The following WHRN variants were observed in gnomAD, a reference collection of about 807,000 sequenced individuals.
WHRN encodes whirlin.
In WHRN, 41 loss-of-function variants were observed where a neutral mutation model predicts 68.3. The observed-to-expected ratio is 0.60, with a 90% confidence interval of 0.47 to 0.78. WHRN has a LOEUF of 0.78. Ranked by LOEUF, WHRN falls within the 30% of genes least tolerant of loss-of-function variation. The pLI is 0.00. For missense variants in WHRN, 1,243 were observed against 1,244.7 expected (o/e 1.00, Z 0.02); for synonymous variants, 560 against 561.3 (o/e 1.00, Z 0.03).
intron 1 of WHRN, among the ~76,000 whole-genome samples, chr9:114,494,221 T>C (rs180942278): frequency 6.6e-6 from 1 of 152,364 alleles, no homozygotes; most frequent in East Asian, 1.9e-4. Flanking sequence ...GTAAACATCT[T>C]GTGCGTGTTA....
At chr9:114,431,716 AC>A (rs1173726530) in intron 3 of WHRN, among the ~76,000 whole-genome samples, 1 of 152,188 alleles carries the variant, frequency 6.6e-6, no homozygotes, top group Non-Finnish European at 1.5e-5. Flanking sequence ...GCTTTTTCCT[AC>A]CCACTGAAAC....
At chr9:114,497,803 C>A (rs956947768) in intron 1 of WHRN, among the ~76,000 whole-genome samples, 3 of 152,056 alleles carry the variant, frequency 2.0e-5, no homozygotes, top group Non-Finnish European at 4.4e-5. Flanking sequence ...TTTTTAAAGG[C>A]TTTACACTCA....
At chr9:114,471,234 G>C (rs1468653331) in intron 2 of WHRN, among the ~76,000 whole-genome samples, 2 of 151,926 alleles carry the variant, frequency 1.3e-5, no homozygotes, top group Non-Finnish European at 2.9e-5. Flanking sequence ...TCAGGCAATT[G>C]GTCACCAAAT....
chr9:114,430,390 C>A lies in WHRN; in HGVS notation c.964-3977G>T, dbSNP rs557426630. Reference sequence around the variant, plus strand: ...ACTAAAAAACATATTCATTGTTTATCTGCACTCAAATTTAAATGAGCATCC... The same window carrying A: ...ACTAAAAAACATATTCATTGTTTATATGCACTCAAATTTAAATGAGCATCC... On this transcript the variant is annotated intron_variant, in intron 3 of 11. Coordinates refer to ENST00000362057, the MANE Select transcript of WHRN (RefSeq NM_015404.4). Among the ~76,000 whole-genome samples the A allele has an allele frequency of 4.6e-5, 7 of 152,336 alleles. No individual in the cohort carries two copies. In the East Asian group the frequency reaches 1.3e-3, roughly 29 times the overall value.
At chr9:114,455,977 T>A (rs1009581494) in intron 3 of WHRN, among the ~76,000 whole-genome samples, 2 of 152,166 alleles carry the variant, frequency 1.3e-5, no homozygotes, top group African/African-American at 2.4e-5. Flanking sequence ...AAGTATTGAA[T>A]ATCTCATATA....
At position 114,469,731 on chromosome 9, in the gene WHRN, A is replaced by G. The variant is rs187076219; in HGVS notation, c.838-3339T>C. Among the ~76,000 whole-genome samples, 17 of 152,344 alleles carry G rather than the reference A, an allele frequency of 1.1e-4. No homozygotes were observed. In the East Asian group the frequency reaches 2.9e-3, roughly 26 times the overall value. ...GACCCCAGGGCACTGCCGCCGCTGT[A>G]ACAAATCACCACAGTCAGAGCCTAA... is the stretch of plus-strand genomic sequence containing the variant. On this transcript the variant is annotated intron_variant, in intron 2 of 11. Coordinates refer to ENST00000362057, the MANE Select transcript of WHRN (RefSeq NM_015404.4).
In WHRN at chr9:114,407,997, T is replaced by C; in HGVS notation, c.1648A>G (p.Thr550Ala). 6.2e-7 allele frequency: 1 copy of C among 1,603,874 alleles called. No homozygotes were observed. The highest frequency in any genetic ancestry group is 8.5e-7 in the Non-Finnish European group (1 of 1,174,562). ...SARNTLDLEE[T>A]GEAVQGNINA... The stretch of plus-strand genomic sequence containing the variant: ...ATATTGCCCTGGACAGCCTCGCCAG[T>C]TTCCTCCAGGTCCAGAGTGTTCTAG... The change falls in exon 8 of 12, where the codon ACT becomes GCT. Residue 550 changes from threonine (T) to alanine (A), a missense_variant. Physicochemically the swap from Thr to Ala is moderately conservative, Grantham distance 58. Coordinates refer to ENST00000362057, the MANE Select transcript of WHRN (RefSeq NM_015404.4).
intron 1 of WHRN, among the ~76,000 whole-genome samples, chr9:114,499,061 C>G (rs1843702743): frequency 6.6e-6 from 1 of 152,196 alleles, no homozygotes; most frequent in Non-Finnish European, 1.5e-5. Context: ...CATGTGTCCA[C>G]TATATGGGAA....
At chr9:114,492,452 T>C (rs573233153) in intron 1 of WHRN, among the ~76,000 whole-genome samples, 1 of 152,198 alleles carries the variant, frequency 6.6e-6, no homozygotes, top group East Asian at 1.9e-4. Flanking sequence ...AAAATCACAG[T>C]GTAGAAACAT....
chr9:114,434,972 C>T (rs1015570786), intron 3 of WHRN, among the ~76,000 whole-genome samples: 4 of 152,162 alleles, frequency 2.6e-5, no homozygotes, highest in African/African-American at 9.7e-5. Flanking sequence ...GCCCTTTCCC[C>T]ACTCCAGACC....
intron 1 of WHRN, chr9:114,491,556 A>G (rs534329350): frequency 1.1e-3 from 195 of 182,240 alleles, no homozygotes; most frequent in South Asian, 1.9e-3. Flanking sequence ...AGCCGCTGCC[A>G]TCACCATGAC....
In WHRN at chr9:114,471,245, G is replaced by A. The variant is rs118090629; in HGVS notation, c.838-4853C>T. Among the ~76,000 whole-genome samples, 27 of 152,294 alleles carry A rather than the reference G, an allele frequency of 1.8e-4. No individual in the cohort carries two copies. The East Asian group carries it at 5.0e-3, about 28-fold the overall frequency. On this transcript the variant is annotated intron_variant, in intron 2 of 11. Transcript: ENST00000362057. The stretch of plus-strand genomic sequence containing the variant: ...TAACTCAGGCAATTGGTCACCAAAT[G>A]TACTGTTTCCTATGTCCCAGGCACC...
At position 114,454,068 on chromosome 9, in the gene WHRN, C is replaced by A. The variant is rs993334437; in HGVS notation, c.963+12199G>T. On this transcript the variant is annotated intron_variant, in intron 3 of 11. Transcript: ENST00000362057. ...GAAAAGCCATATGATCAGAAAAATA[C>A]TTTAAAAATTCAACATACATTCAGG... is the stretch of plus-strand genomic sequence containing the variant. 2.0e-5 allele frequency among the ~76,000 whole-genome samples: 3 copies of A among 152,124 alleles called. No individual in the cohort carries two copies. The East Asian group carries it at 5.8e-4, about 29-fold the overall frequency.
chr9:114,491,695 C>T, intron 1 of WHRN: 1 of 252,588 alleles, frequency 4.0e-6, no homozygotes, highest in South Asian at 7.8e-5. Flanking sequence ...GGAGATCATG[C>T]AGCAGAAGGA....
chr9:114,426,948 G>A (rs149364880), intron 3 of WHRN, among the ~76,000 whole-genome samples: 1 of 152,160 alleles, frequency 6.6e-6, no homozygotes, highest in East Asian at 1.9e-4. Flanking sequence ...TTCTTACAAG[G>A]AGGCAGCTTT....
intron 1 of WHRN, among the ~76,000 whole-genome samples, chr9:114,496,002 G>T (rs548768335): frequency 2.6e-4 from 39 of 152,242 alleles, no homozygotes; most frequent in Non-Finnish European, 4.7e-4. Context: ...CTCTTAATGA[G>T]ACTTTGTACA....
intron 1 of WHRN, among the ~76,000 whole-genome samples, chr9:114,480,439 A>AT (rs1452365877): frequency 6.6e-6 from 1 of 151,862 alleles, no homozygotes; most frequent in Non-Finnish European, 1.5e-5. Flanking sequence ...AGATGAGGCC[A>AT]TGAGGGTAGG....
chr9:114,469,374 G>A (rs558314061), intron 2 of WHRN, among the ~76,000 whole-genome samples: 8 of 152,314 alleles, frequency 5.3e-5, no homozygotes, highest in South Asian at 2.1e-4. Context: ...AGGAGTCACC[G>A]GGTGGTAAGA....
intron 9 of WHRN, among the ~76,000 whole-genome samples, chr9:114,405,097 C>T (rs1162035708): frequency 2.5e-5 from 3 of 118,622 alleles, no homozygotes; most frequent in Non-Finnish European, 3.3e-5. Context: ...TTTTTTGAGA[C>T]AGATTCTCAC....
Sources: allele counts gnomAD v4.1 joint callset (sites outside exome capture counted in the v4.1 genomes callset), GRCh38; gene constraint gnomAD v4.1.1; transcripts MANE v1.5; gene names NCBI Gene and HGNC (gene_info 2026-07-23, HGNC 2026-07-21).